Variants in LARP4 observed in about 807,000 individuals in gnomAD.
LARP4 encodes la-related protein 4.
Under a neutral mutation model 92.9 loss-of-function variants are expected in LARP4, and 29 were observed. That is an observed-to-expected ratio of 0.31 (90% CI 0.23 to 0.43). The LOEUF (loss-of-function observed/expected upper bound fraction) is 0.43, where lower values mean the gene tolerates loss of function less well. Among genes scored for constraint, LARP4 ranks in the 20% least tolerant of loss-of-function variants. The pLI, the probability that LARP4 is intolerant of heterozygous loss-of-function variation, is 1.00. For missense variants in LARP4, 732 were observed against 860.0 expected (o/e 0.85, Z 1.86); for synonymous variants, 279 against 284.1 (o/e 0.98, Z 0.18).
chr12:50,401,193 G>T lies in LARP4; in HGVS notation c.18+165G>T, dbSNP rs529727047. 6.7e-5 allele frequency: 50 copies of T among 751,036 alleles called. No homozygotes were observed. The African/African-American group carries it at 7.2e-4, about 11-fold the overall frequency. The allele number at this position is 751,036 out of a possible 1,614,324, so 46.5% of individuals were successfully genotyped here. ...GCAGGCCTGCAGCTTCCCTCTGCGC[G>T]CTCACAACACTCTAGGAAGCTATGG... is the stretch of plus-strand genomic sequence containing the variant. On this transcript the variant is annotated intron_variant, in intron 1 of 15. Transcript: ENST00000398473.
intron 13 of LARP4, among the ~76,000 whole-genome samples, chr12:50,467,616 T>A (rs1956320023): frequency 6.6e-6 from 1 of 152,174 alleles, no homozygotes; most frequent in Non-Finnish European, 1.5e-5. Flanking sequence ...CATGTCTTCC[T>A]GTTAGTCAAT....
chr12:50,444,059 C>T (rs1468588018), intron 8 of LARP4, among the ~76,000 whole-genome samples: 2 of 152,106 alleles, frequency 1.3e-5, no homozygotes, highest in African/African-American at 4.8e-5. Flanking sequence ...TGTCTAGTTC[C>T]AACAAACAGC....
chr12:50,436,326 C>T (rs777298856), intron 5 of LARP4, among the ~76,000 whole-genome samples: 1 of 151,918 alleles, frequency 6.6e-6, no homozygotes, highest in African/African-American at 2.4e-5. Context: ...CTATATACAG[C>T]TTCTGTAATA....
chr12:50,460,534 A>G (rs532261546), intron 10 of LARP4, among the ~76,000 whole-genome samples: 8 of 152,150 alleles, frequency 5.3e-5, no homozygotes, highest in Admixed American at 4.6e-4. Context: ...GTGTTGCCCC[A>G]GCTGGTGTCG....
At chr12:50,432,874 A>AAG (rs540035208) in intron 4 of LARP4, among the ~76,000 whole-genome samples, 8 of 151,170 alleles carry the variant, frequency 5.3e-5, no homozygotes, top group South Asian at 2.1e-4. Flanking sequence ...AAAAAAAAAA[A>AAG]AAAGAAAAGC....
At chr12:50,446,142 A>G (rs1435715473) in intron 8 of LARP4, among the ~76,000 whole-genome samples, 1 of 149,968 alleles carries the variant, frequency 6.7e-6, no homozygotes, top group African/African-American at 2.4e-5. Context: ...AGCTGGGACT[A>G]CAGGCGCCTG....
chr12:50,430,560 T>C lies in LARP4; in HGVS notation c.388T>C (p.Cys130Arg). 1 of 1,598,548 alleles carries C rather than the reference T, an allele frequency of 6.3e-7. No individual in the cohort carries two copies. The highest frequency in any genetic ancestry group is 8.6e-7 in the Non-Finnish European group (1 of 1,167,334). ...ATGTCTGAAGAAACAATTAGAATTC[T>C]GTTTTTCACGGTATTGCTGTTTCCC... is the stretch of plus-strand genomic sequence containing the variant. ...KECLKKQLEF[C>R]FSRENLSKDL... Residue 130 changes from cysteine to arginine, a missense_variant, in exon 4 of 16, where the codon TGT becomes CGT. This residue lies in a region of LARP4 where 236 missense variants were observed against 307.6 expected (regional missense o/e 0.77). Transcript: ENST00000398473.
rs761093933 is a variant in LARP4 at position 50,416,685 on chromosome 12, A to G, written c.19-11077A>G. On this transcript the variant is annotated intron_variant, in intron 1 of 15. Coordinates refer to ENST00000398473, the MANE Select transcript of LARP4 (RefSeq NM_052879.5). ...GGCCGCAGAGTGAGACCCCATCTCA[A>G]AAAATAATTACCTTTCAATGTGGGC... 3.9e-5 allele frequency among the ~76,000 whole-genome samples: 6 copies of G among 152,086 alleles called. No individual in the cohort carries two copies. The East Asian group carries it at 1.2e-3, about 29-fold the overall frequency.
intron 1 of LARP4, among the ~76,000 whole-genome samples, chr12:50,410,274 A>G (rs1232227272): frequency 6.6e-6 from 1 of 151,448 alleles, no homozygotes; most frequent in Non-Finnish European, 1.5e-5. Context: ...GGGTCTTGCT[A>G]TGTTGGCTAG....
rs181118491 is a variant in LARP4 at position 50,439,726 on chromosome 12, A to G, written c.640-713A>G. 2.6e-3 allele frequency among the ~76,000 whole-genome samples: 389 copies of G among 152,156 alleles called. 2 individuals carry two copies. The highest frequency in any genetic ancestry group is 3.6e-3 in the Non-Finnish European group (243 of 67,994). On this transcript the variant is annotated intron_variant, in intron 6 of 15. Transcript: ENST00000398473. ...CATTTGACCTTTGCTATTTCAGTAGATATTTTCTTTCCTTCTGTTACTTCT... is the reference window on the plus strand; with the variant it reads ...CATTTGACCTTTGCTATTTCAGTAGGTATTTTCTTTCCTTCTGTTACTTCT...
At chr12:50,423,561 G>T (rs1261289085) in intron 1 of LARP4, among the ~76,000 whole-genome samples, 1 of 152,072 alleles carries the variant, frequency 6.6e-6, no homozygotes, top group Non-Finnish European at 1.5e-5. Flanking sequence ...CGATTCTCCT[G>T]CCTCAGCCTC....
chr12:50,406,469 A>C (rs1263025901), intron 1 of LARP4, among the ~76,000 whole-genome samples: 6 of 152,156 alleles, frequency 3.9e-5, no homozygotes, highest in Non-Finnish European at 7.3e-5. Context: ...TGACAGAGTG[A>C]GACCCTGCCT....
At chr12:50,458,719 G>T (rs1183552261) in intron 10 of LARP4, among the ~76,000 whole-genome samples, 5 of 152,092 alleles carry the variant, frequency 3.3e-5, no homozygotes, top group African/African-American at 4.8e-5. Context: ...TGAGATTTTA[G>T]GTGTTTTTGC....
At chr12:50,415,270 A>G (rs1224161217) in intron 1 of LARP4, among the ~76,000 whole-genome samples, 3 of 152,142 alleles carry the variant, frequency 2.0e-5, no homozygotes, top group Non-Finnish European at 4.4e-5. Context: ...AGATATAAAT[A>G]TGCCCAGAAG....
chr12:50,416,437 G>A (rs1946804254), intron 1 of LARP4: 1 of 152,168 alleles, frequency 6.6e-6, no homozygotes, highest in African/African-American at 2.4e-5. Context: ...AGGCTAAGGT[G>A]GGTGAATCAC....
intron 1 of LARP4, among the ~76,000 whole-genome samples, chr12:50,419,377 G>GA (rs1014865493): frequency 2.6e-5 from 4 of 151,250 alleles, no homozygotes; most frequent in South Asian, 2.1e-4. Context: ...AACAGGTAGG[G>GA]AAAAAAAAGA....
At position 50,422,482 on chromosome 12, in the gene LARP4, G is replaced by A. The variant is rs528153609; in HGVS notation, c.19-5280G>A. ...TGCACATTTTAACTTTGAAAATTGG[G>A]GTAAATCTTAAAATATTTGATGTAG... On this transcript the variant is annotated intron_variant, in intron 1 of 15. Transcript: ENST00000398473. Among the ~76,000 whole-genome samples the A allele has an allele frequency of 5.9e-5, 9 of 152,016 alleles. 1 individual carries two copies. In the South Asian group the frequency reaches 1.9e-3, roughly 32 times the overall value.
intron 5 of LARP4, among the ~76,000 whole-genome samples, chr12:50,435,993 G>A (rs1381943693): frequency 2.6e-5 from 1 of 38,898 alleles, no homozygotes; most frequent in African/African-American, 3.6e-5. Flanking sequence ...TCCCCAGGCT[G>A]GTCTTTGTTC....
At chr12:50,415,028 C>T (rs1946528465) in intron 1 of LARP4, among the ~76,000 whole-genome samples, 5 of 152,016 alleles carry the variant, frequency 3.3e-5, no homozygotes, top group Admixed American at 3.3e-4. Flanking sequence ...CATTGTGAAA[C>T]CCTGTGTCTA....
Sources: allele counts gnomAD v4.1 joint callset (sites outside exome capture counted in the v4.1 genomes callset), GRCh38; gene constraint gnomAD v4.1.1; regional missense constraint gnomAD v4.1.1; transcripts MANE v1.5; gene names NCBI Gene and HGNC (gene_info 2026-07-23, HGNC 2026-07-21).